TMC1: variants seen among roughly 807,000 people sequenced by gnomAD.
TMC1 encodes transmembrane channel like 1.
TMC1 carries 84 observed loss-of-function variants against 105.8 expected under a neutral mutation model. The observed-to-expected ratio is 0.79, with a 90% CI of 0.67 to 0.95. The LOEUF is 0.95. Ranked by LOEUF, TMC1 falls within the 40% of genes least tolerant of loss-of-function variation. The pLI is 0.00. For synonymous variants in TMC1, 315 were observed against 311.5 expected, an observed-to-expected ratio of 1.01 and a Z score of -0.12; for missense variants, 817 against 914.1, an observed-to-expected ratio of 0.89 and a Z score of 1.37.
chr9:72,572,907 G>A (rs1027368799), intron 1 of TMC1, among the ~76,000 whole-genome samples: 15 of 152,152 alleles, frequency 9.9e-5, no homozygotes, highest in South Asian at 4.2e-4. Flanking sequence ...CAGGAGAATC[G>A]TTTGAACCTG....
intron 10 of TMC1, among the ~76,000 whole-genome samples, chr9:72,743,566 CAAAA>C (rs386415092): frequency 2.0e-5 from 2 of 101,740 alleles, no homozygotes; most frequent in African/African-American, 6.9e-5. Context: ...GACTCTGTTT[CAAAA>C]AAAAAAAAAA....
chr9:72,663,235 A>G (rs1588019200), intron 5 of TMC1, among the ~76,000 whole-genome samples: 1 of 152,146 alleles, frequency 6.6e-6, no homozygotes, highest in African/African-American at 2.4e-5. Context: ...TGCTTAGCGG[A>G]GGTGTTAGAA....
chr9:72,821,204 G>C, intron 20 of TMC1, 123 bp downstream of exon 20: 2 of 1,472,626 alleles, frequency 1.4e-6, no homozygotes, highest in Non-Finnish European at 1.9e-6. Context: ...TGGTGGAAAT[G>C]AGATCCCGGC....
intron 6 of TMC1, among the ~76,000 whole-genome samples, chr9:72,692,090 A>G (rs2132187150): frequency 6.6e-6 from 1 of 152,270 alleles, no homozygotes; most frequent in Non-Finnish European, 1.5e-5. Flanking sequence ...TCATCTGGTT[A>G]TTCTGTGCTA....
chr9:72,816,472 C>T (rs1459854886), intron 19 of TMC1, among the ~76,000 whole-genome samples: 1 of 152,100 alleles, frequency 6.6e-6, no homozygotes, highest in Non-Finnish European at 1.5e-5. Flanking sequence ...TATTTGAGGA[C>T]TATATTTTTA....
At chr9:72,633,843 A>G (rs1272364525) in intron 4 of TMC1, among the ~76,000 whole-genome samples, 4 of 152,198 alleles carry the variant, frequency 2.6e-5, no homozygotes, top group Non-Finnish European at 5.9e-5. Context: ...TTCTGACACC[A>G]TCTACATGGA....
chr9:72,792,015 G>T lies in TMC1; in HGVS notation c.1354G>T (p.Gly452Cys). ...GGGACGCATTTTTGCTCTTCTTTTA[G>T]GCAATTTATACGTATTTATTCTTGC... ...LLGRIFALLL[G>C]NLYVFILALM... Residue 452 changes from glycine to cysteine, a missense_variant, in exon 16 of 24, where the codon GGC (glycine) becomes TGC (cysteine). Transcript: ENST00000297784. The T allele has an allele frequency of 6.2e-7, 1 of 1,614,012 alleles. No individual in the cohort carries two copies. Among genetic ancestry groups the T allele is most frequent in the Non-Finnish European group, 8.5e-7 (1 of 1,179,986 alleles).
At chr9:72,835,896 CT>C in intron 23 of TMC1, 54 bp from the exon 24 acceptor site, 1 of 1,511,830 alleles carries the variant, frequency 6.6e-7, no homozygotes, top group Non-Finnish European at 9.0e-7. Context: ...TCCTGTTCAT[CT>C]TCTCTCTCTC....
rs201855117 is a variant in TMC1, at chr9:72,547,087, GAC to G, written c.-428+25175_-428+25176del. Among the ~76,000 whole-genome samples, 620 of 152,270 alleles carry G rather than the reference GAC, an allele frequency of 4.1e-3. 4 individuals carry two copies. The highest frequency in any genetic ancestry group is 0.014 in the African/African-American group (589 of 41,546). On this transcript the variant is annotated intron_variant, in intron 1 of 23. Coordinates refer to ENST00000297784, the MANE Select transcript of TMC1 (RefSeq NM_138691.3). ...GGATCACCTGAGGTCAGGAGTTTGA[GAC>G]CAGCCTGGCCAACATGGTGAAACCT...
At chr9:72,732,584 A>T (rs1373272659) in intron 8 of TMC1, among the ~76,000 whole-genome samples, 1 of 150,952 alleles carries the variant, frequency 6.6e-6, no homozygotes, top group East Asian at 1.9e-4. Context: ...AAAAAAAAAG[A>T]TAAATATCTT....
intron 13 of TMC1, among the ~76,000 whole-genome samples, chr9:72,776,617 T>C (rs1370313536): frequency 6.6e-6 from 1 of 152,202 alleles, no homozygotes; most frequent in African/African-American, 2.4e-5. Context: ...CCTTGCCACC[T>C]CTCTGTACTG....
chr9:72,754,971 G>T (rs1023105899), intron 12 of TMC1, 87 bp downstream of exon 12: 12 of 869,246 alleles, frequency 1.4e-5, no homozygotes, highest in African/African-American at 1.4e-4. Context: ...TCCTCTCCTG[G>T]GTCAGGCTGA....
chr9:72,666,713 T>A (rs1468704915), intron 5 of TMC1, among the ~76,000 whole-genome samples: 2 of 152,046 alleles, frequency 1.3e-5, no homozygotes, highest in African/African-American at 4.8e-5. Context: ...TATTTGCTTG[T>A]GGGGAAAATA....
chr9:72,550,028 G>C (rs928837702), intron 1 of TMC1, among the ~76,000 whole-genome samples: 4 of 151,948 alleles, frequency 2.6e-5, no homozygotes, highest in Admixed American at 2.0e-4. Flanking sequence ...GATTACAGGC[G>C]TGAGCCACTG....
chr9:72,556,973 G>A (rs1823952408), intron 1 of TMC1, among the ~76,000 whole-genome samples: 1 of 152,186 alleles, frequency 6.6e-6, no homozygotes, highest in African/African-American at 2.4e-5. Context: ...ATACGTAGAG[G>A]CCAGGGATGC....
intron 12 of TMC1, among the ~76,000 whole-genome samples, chr9:72,760,014 T>A (rs1479323992): frequency 6.6e-6 from 1 of 152,200 alleles, no homozygotes; most frequent in Non-Finnish European, 1.5e-5. Context: ...AATAATCTTG[T>A]AATTCCCAAA....
intron 17 of TMC1, among the ~76,000 whole-genome samples, chr9:72,792,591 T>C (rs1042846689): frequency 3.3e-5 from 5 of 152,166 alleles, no homozygotes; most frequent in East Asian, 1.9e-4. Context: ...AAAGGAAGGA[T>C]AGTTGAAAAT....
At chr9:72,746,843 G>A (rs1827497025) in intron 10 of TMC1, among the ~76,000 whole-genome samples, 1 of 152,118 alleles carries the variant, frequency 6.6e-6, no homozygotes, top group Non-Finnish European at 1.5e-5. Context: ...AATACTGTGG[G>A]GTTTTACTGT....
intron 8 of TMC1, among the ~76,000 whole-genome samples, chr9:72,732,702 T>G (rs1359584167): frequency 6.6e-6 from 1 of 152,220 alleles, no homozygotes; most frequent in East Asian, 1.9e-4. Flanking sequence ...GAGGTAACAC[T>G]GGTGTTATCC....
Sources: allele counts gnomAD v4.1 joint callset (sites outside exome capture counted in the v4.1 genomes callset), GRCh38; gene constraint gnomAD v4.1.1; transcripts MANE v1.5; gene names NCBI Gene and HGNC (gene_info 2026-07-23, HGNC 2026-07-21).